KIF26A: variants seen among roughly 807,000 people sequenced by gnomAD.
The protein encoded by KIF26A is kinesin-like protein KIF26A.
In KIF26A, 74 loss-of-function variants were observed where a neutral mutation model predicts 126.0. That is an observed-to-expected ratio of 0.59 (90% CI 0.49 to 0.71). The LOEUF (loss-of-function observed/expected upper bound fraction) is 0.71. KIF26A is among the 30% of genes least tolerant of loss of function. KIF26A has a pLI of 0.00. For synonymous variants in KIF26A, 1,445 were observed against 1,232.7 expected (o/e 1.17, Z -3.61); for missense variants, 2,984 against 2,763.3 (o/e 1.08, Z -1.79).
At position 104,172,605 on chromosome 14, in the gene KIF26A, G is replaced by A. The variant is rs546440609; in HGVS notation, c.1357G>A (p.Val453Met). Residue 453 changes from valine to methionine, a missense_variant, in exon 7 of 15, where the codon GTG (valine) becomes ATG (methionine). Coordinates refer to ENST00000423312, the MANE Select transcript of KIF26A (RefSeq NM_015656.2). ...AEVCSGTVAD[V>M]LQSVVSGADG... Reference sequence around the variant, plus strand: ...AGTCTGCTCGGGGACCGTGGCCGACGTGCTCCAGTCGGTGGTCAGTGGGGC... The same window carrying A: ...AGTCTGCTCGGGGACCGTGGCCGACATGCTCCAGTCGGTGGTCAGTGGGGC... The A allele has an allele frequency of 2.0e-5, 32 of 1,613,200 alleles. No homozygotes were observed. The highest frequency in any genetic ancestry group is 9.3e-5 in the African/African-American group (7 of 75,054).
At position 104,157,756 on chromosome 14, in the gene KIF26A, C is replaced by T; in HGVS notation, c.737C>T (p.Ala246Val). Residue 246 changes from alanine (A) to valine (V), a missense_variant and splice_region_variant, in exon 4 of 15, where the codon GCC (alanine) becomes GTC (valine). Transcript: ENST00000423312. ...VNSFLPPACL[A>V]EAAVAAVAVA... is the part of the protein sequence containing the mutation. ...TACGCACTCTCTCCTTCCCTCCAGG[C>T]CGAGGCAGCGGTGGCGGCCGTGGCG... 1.2e-6 allele frequency: 2 copies of T among 1,610,518 alleles called. No homozygotes were observed. Among genetic ancestry groups the T allele is most frequent in the South Asian group, 1.1e-5 (1 of 90,822 alleles).
intron 4 of KIF26A, among the ~76,000 whole-genome samples, chr14:104,165,806 T>TG (rs1350249670): frequency 7.0e-6 from 1 of 142,996 alleles, no homozygotes; most frequent in East Asian, 1.9e-4. Context: ...TGCATATGTG[T>TG]GTCTGTGTGT....
chr14:104,154,340 C>A (rs2037757618), intron 3 of KIF26A, among the ~76,000 whole-genome samples: 1 of 152,104 alleles, frequency 6.6e-6, no homozygotes, highest in Non-Finnish European at 1.5e-5. Flanking sequence ...CGAGGCTTGG[C>A]AGGGGATGCT....
rs777367727 is a variant in KIF26A at position 104,157,885 on chromosome 14, C to T, written c.866C>T (p.Thr289Ile). 1.3e-6 allele frequency: 2 copies of T among 1,578,774 alleles called. No individual in the cohort carries two copies. The highest frequency in any genetic ancestry group is 1.4e-5 in the African/African-American group (1 of 73,254). ...TGCACGTCAGCCCTGGTCACCCCCA[C>T]CCCGGGCTCGGTGGGGGGCTCCACA... ...GVCTSALVTP[T>I]PGSVGGSTGP... Residue 289 changes from threonine (T) to isoleucine (I), a missense_variant, in exon 4 of 15, where the codon ACC becomes ATC. Physicochemically the swap from Thr to Ile is moderately conservative, Grantham distance 89. Coordinates refer to ENST00000423312, the MANE Select transcript of KIF26A (RefSeq NM_015656.2).
At chr14:104,163,686 C>T (rs79488148) in intron 4 of KIF26A, among the ~76,000 whole-genome samples, 8,962 of 151,516 alleles carry the variant, frequency 0.059, 277 homozygotes, top group African/African-American at 0.072. Context: ...CCAGTGACCC[C>T]GGAACCCCGA....
chr14:104,163,360 A>G (rs2037850200), intron 4 of KIF26A, among the ~76,000 whole-genome samples: 1 of 152,156 alleles, frequency 6.6e-6, no homozygotes, highest in South Asian at 2.1e-4. Flanking sequence ...TGCCCTGTGG[A>G]CAGACGCACA....
rs763613505 is a variant in KIF26A at position 104,176,453 on chromosome 14, G to A, written c.3665G>A (p.Arg1222His). 23 of 1,606,240 alleles carry A rather than the reference G, an allele frequency of 1.4e-5. No homozygotes were observed. Among genetic ancestry groups the A allele is most frequent in the East Asian group, 2.2e-5 (1 of 44,812 alleles). Residue 1222 changes from arginine to histidine, a missense_variant, in exon 12 of 15, where the codon CGT becomes CAT. By Grantham distance (29) the Arg-to-His change is conservative. Transcript: ENST00000423312. ...CCGAGGACTGCCTCTGCCACCACCC[G>A]TGTGGGCTGTGCTCGCCTGGGCCAG... ...RKPRTASATT[R>H]VGCARLGQSP...
intron 2 of KIF26A, among the ~76,000 whole-genome samples, chr14:104,150,000 G>GC (rs1196000340): frequency 6.6e-6 from 1 of 152,284 alleles, no homozygotes. Flanking sequence ...GGCCCTGTCT[G>GC]CCCTCAGCCT....
chr14:104,141,524 G>T (rs1434116781), intron 2 of KIF26A, among the ~76,000 whole-genome samples: 1 of 152,044 alleles, frequency 6.6e-6, no homozygotes, highest in African/African-American at 2.4e-5. Context: ...AGAGGGAGGC[G>T]TAGAGGGTCG....
chr14:104,160,964 A>G (rs1480001242), intron 4 of KIF26A, among the ~76,000 whole-genome samples: 2 of 152,180 alleles, frequency 1.3e-5, no homozygotes, highest in African/African-American at 2.4e-5. Context: ...GTCAGCCTGG[A>G]TGCCCAGGCC....
chr14:104,167,770 T>C (rs2037920867), intron 5 of KIF26A, among the ~76,000 whole-genome samples: 1 of 152,170 alleles, frequency 6.6e-6, no homozygotes, highest in Admixed American at 6.5e-5. Flanking sequence ...CACAGCTCTG[T>C]GTGTGCCCCC....
intron 4 of KIF26A, among the ~76,000 whole-genome samples, chr14:104,159,867 T>C (rs1040435726): frequency 1.4e-5 from 2 of 143,712 alleles, no homozygotes; most frequent in African/African-American, 5.2e-5. Flanking sequence ...CCCTGAACCC[T>C]CAGGGGTGAG....
rs1450434192 is a variant in KIF26A, at chr14:104,175,954, A to G, written c.3166A>G (p.Ser1056Gly). The G allele has an allele frequency of 1.9e-6, 3 of 1,567,188 alleles. No individual in the cohort carries two copies. In the East Asian group the frequency reaches 7.0e-5, roughly 37 times the overall value. ...AGCTGGGCGGCCCACCAGCCTGGCT[A>G]GCTTCGACAGTGACTGCTCCCTGCG... ...AGAGRPTSLA[S>G]FDSDCSLRAL... is the part of the protein sequence containing the mutation. Residue 1056 changes from serine (S) to glycine (G), a missense_variant, in exon 12 of 15, where the codon AGC (serine) becomes GGC (glycine). Coordinates refer to ENST00000423312, the MANE Select transcript of KIF26A (RefSeq NM_015656.2).
At chr14:104,160,602 C>T (rs1229870588) in intron 4 of KIF26A, among the ~76,000 whole-genome samples, 1 of 152,086 alleles carries the variant, frequency 6.6e-6, no homozygotes, top group Non-Finnish European at 1.5e-5. Context: ...GAGGGTGGGG[C>T]GCGTGGGCCG....
chr14:104,175,450 A>T lies in KIF26A; in HGVS notation c.2662A>T (p.Lys888Ter). 1 of 1,592,476 alleles carries T rather than the reference A, an allele frequency of 6.3e-7. No individual in the cohort carries two copies. Residue 888 changes from lysine to a stop codon, truncating the protein, a stop_gained, in exon 12 of 15, where the codon AAG becomes TAG. Coordinates refer to ENST00000423312, the MANE Select transcript of KIF26A (RefSeq NM_015656.2). LOFTEE classifies it high-confidence loss of function. Reference protein sequence around the residue: ...PSPPEAASPRKAVGTPMAAST... With the variant: ...PSPPEAASPR ...GCCACCAGAGGCTGCATCCCCCAGG[A>T]AGGCCGTGGGCACCCCGATGGCTGC...
intron 5 of KIF26A, among the ~76,000 whole-genome samples, chr14:104,168,451 T>C (rs1566862184): frequency 6.6e-6 from 1 of 152,130 alleles, no homozygotes; most frequent in Non-Finnish European, 1.5e-5. Context: ...AGGGCCGCCG[T>C]GGGGCATAGG....
intron 4 of KIF26A, among the ~76,000 whole-genome samples, chr14:104,158,840 C>T (rs1298277432): frequency 6.6e-6 from 1 of 152,336 alleles, no homozygotes; most frequent in South Asian, 2.1e-4. Context: ...AGAGCCTCCT[C>T]TCATCCTGAT....
intron 3 of KIF26A, among the ~76,000 whole-genome samples, chr14:104,153,640 C>CCGAACCCCACCCTTGCCATGAGG: frequency 6.9e-6 from 1 of 144,556 alleles, no homozygotes; most frequent in African/African-American, 2.5e-5. Context: ...GGCCCCAGAG[C>CCGAACCCCACCCTTGCCATGAGG]TGGGCATCCT....
chr14:104,177,177 C>T lies in KIF26A; in HGVS notation c.4389C>T (p.Pro1463=), dbSNP rs2038040780. 8 of 1,596,624 alleles carry T rather than the reference C, an allele frequency of 5.0e-6. No individual in the cohort carries two copies. The highest frequency in any genetic ancestry group is 2.7e-5 in the African/African-American group (2 of 74,882). The change falls in exon 12 of 15, where the codon CCC becomes CCT. Residue 1463 remains proline, a synonymous_variant. Transcript: ENST00000423312. Reference sequence around the variant, plus strand: ...CTGGGCGGCCTCCCCGGGCTGTACCCAAGCTGGGTGTGCCACCCTCCAGCC... The same window carrying T: ...CTGGGCGGCCTCCCCGGGCTGTACCTAAGCTGGGTGTGCCACCCTCCAGCC... ...EAPGRPPRAV[P]KLGVPPSSPT... is the part of the protein sequence containing the mutation.
Sources: allele counts gnomAD v4.1 joint callset (sites outside exome capture counted in the v4.1 genomes callset), GRCh38; gene constraint gnomAD v4.1.1; transcripts MANE v1.5; gene names NCBI Gene and HGNC (gene_info 2026-07-23, HGNC 2026-07-21).